The following APOB variants were observed in gnomAD, a reference collection of about 807,000 sequenced individuals.
APOB encodes the protein apolipoprotein B.
APOB carries 153 observed loss-of-function variants against 314.1 expected under a neutral mutation model. The ratio of observed to expected loss-of-function variants is 0.49; its 90% CI spans 0.43 to 0.56. The LOEUF (loss-of-function observed/expected upper bound fraction) is 0.56. Ranked by LOEUF, APOB falls within the 20% of genes least tolerant of loss-of-function variation. The pLI is 0.00. For synonymous variants in APOB, 2,087 were observed against 2,036.4 expected (o/e 1.02, Z -0.67); for missense variants, 5,430 against 5,350.7 (o/e 1.01, Z -0.46).
chr2:21,028,265 C>G (rs1663788223), intron 13 of APOB, 62 bp downstream of exon 13: 1 of 1,449,732 alleles, frequency 6.9e-7, no homozygotes, highest in Non-Finnish European at 9.7e-7. Context: ...ATGCCAAAAC[C>G]TAGGGTTGGA....
rs76693756 is a variant in APOB at position 21,017,631 on chromosome 2, C to T, written c.3122-982G>A. 8.5e-3 allele frequency among the ~76,000 whole-genome samples: 1,289 copies of T among 152,226 alleles called. 62 individuals carry two copies. Among genetic ancestry groups the T allele is most frequent in the Admixed American group, 0.072 (1,105 of 15,278 alleles). On this transcript the variant is annotated intron_variant, in intron 20 of 28. Coordinates refer to ENST00000233242, the MANE Select transcript of APOB (RefSeq NM_000384.3). The stretch of plus-strand genomic sequence containing the variant: ...GCAGCCCTTCTGGGCCAGGAAGACA[C>T]GACATCTCTATATTACTTTCTACCC...
At chr2:21,019,195 A>C in intron 19 of APOB, 82 bp from the exon 20 acceptor site, 6 of 1,547,482 alleles carry the variant, frequency 3.9e-6, no homozygotes, top group Non-Finnish European at 5.3e-6. Context: ...ATTCAGCCTC[A>C]AATGCAACAA....
intron 21 of APOB, among the ~76,000 whole-genome samples, chr2:21,016,092 A>G (rs906761776): frequency 2.0e-5 from 3 of 152,154 alleles, no homozygotes; most frequent in Non-Finnish European, 4.4e-5. Flanking sequence ...GATCGAGACC[A>G]TCCTGGTCAA....
At chr2:21,018,764 CT>C (rs1195118280) in intron 20 of APOB, among the ~76,000 whole-genome samples, 5 of 152,196 alleles carry the variant, frequency 3.3e-5, no homozygotes, top group African/African-American at 1.2e-4. Flanking sequence ...TTCACTGTAA[CT>C]TCCATGAAGG....
At chr2:21,033,555 C>T (rs371910271) in intron 8 of APOB, 37 bp from the exon 9 acceptor site, 1 of 1,541,510 alleles carries the variant, frequency 6.5e-7, no homozygotes, top group African/African-American at 1.4e-5. Context: ...CTCTAGCTTT[C>T]TTCATCTCAA....
Position 21,012,238 on chromosome 2 carries a change from G to C in APOB, c.4630C>G (p.Leu1544Val). 1.2e-6 allele frequency: 2 copies of C among 1,610,896 alleles called. 1 individual carries two copies. Among genetic ancestry groups the C allele is most frequent in the South Asian group, 2.2e-5 (2 of 90,912 alleles). The change falls in exon 26 of 29, where the codon CTC becomes GTC. Residue 1544 changes from leucine to valine, a missense_variant. By Grantham distance (32) the Leu-to-Val change is conservative (BLOSUM62 1). Transcript: ENST00000233242. ...TGRYEDGTLS[L>V]TSTSDLQSGI... Reference sequence around the variant, plus strand: ...CTTTGCAGATCAGAGGTGGAGGTGAGGGAGAGGGTTCCATCTTCATATCTT... The same window carrying C: ...CTTTGCAGATCAGAGGTGGAGGTGACGGAGAGGGTTCCATCTTCATATCTT...
rs781627851 is a variant in APOB at position 21,002,855 on chromosome 2, C to T, written c.12567G>A (p.Leu4189=). ...TCAGAAAATCAATGAGTGAGTCAAT[C>T]AGATGCTTGACTTTCATATGGAATT... ...TQEFHMKVKH[L]IDSLIDFLNF... The change falls in exon 29 of 29, where the codon CTG becomes CTA. Residue 4189 remains leucine (L), a synonymous_variant. Transcript: ENST00000233242. 16 of 1,613,394 alleles carry T rather than the reference C, an allele frequency of 9.9e-6. No homozygotes were observed. In the Admixed American group the frequency reaches 2.7e-4, roughly 27 times the overall value.
At chr2:21,014,046 G>A (rs1237058972) in intron 24 of APOB, among the ~76,000 whole-genome samples, 1 of 152,172 alleles carries the variant, frequency 6.6e-6, no homozygotes, top group African/African-American at 2.4e-5. Context: ...AGTAAGCCTG[G>A]GTTAAAGTAT....
chr2:21,036,901 C>T (rs868442791), intron 6 of APOB, among the ~76,000 whole-genome samples, 199 bp downstream of exon 6: 69 of 152,132 alleles, frequency 4.5e-4, no homozygotes, highest in African/African-American at 1.6e-3. Context: ...GAGCCTGACT[C>T]AAGCCTTGGC....
rs1225624057 is a variant in APOB at position 21,015,420 on chromosome 2, G to A, written c.3458C>T (p.Ser1153Phe). 6.2e-7 allele frequency: 1 copy of A among 1,614,094 alleles called. No homozygotes were observed. The highest frequency in any genetic ancestry group is 8.5e-7 in the Non-Finnish European group (1 of 1,180,050). Residue 1153 changes from serine (S) to phenylalanine (F), a missense_variant, in exon 22 of 29, where the codon TCT (serine) becomes TTT (phenylalanine). This residue lies in a region of APOB where 2,085 missense variants were observed against 2,079.7 expected (regional missense o/e 1.00). Transcript: ENST00000233242. ...PAKLLLQMDS[S>F]ATAYGSTVSK... ...AACTGTGGAGCCATAAGCTGTAGCAGATGAGTCCATTTGGAGAAGCAGTTT... is the reference window on the plus strand; with the variant it reads ...AACTGTGGAGCCATAAGCTGTAGCAAATGAGTCCATTTGGAGAAGCAGTTT...
Position 21,009,299 on chromosome 2 carries a change from C to T in APOB, c.7569G>A (p.Met2523Ile), listed in dbSNP as rs754845007. Residue 2523 changes from methionine to isoleucine, a missense_variant, in exon 26 of 29, where the codon ATG becomes ATA. Physicochemically the swap from Met to Ile is conservative, Grantham distance 10. Coordinates refer to ENST00000233242, the MANE Select transcript of APOB (RefSeq NM_000384.3). ...GTTCCTGCTGAATGTCCATTTGATACATTCGGTCTCGTGTATCTTCTAGGG... is the reference window on the plus strand; with the variant it reads ...GTTCCTGCTGAATGTCCATTTGATATATTCGGTCTCGTGTATCTTCTAGGG... Reference protein sequence around the residue: ...RETLEDTRDRMYQMDIQQELQ... With the variant: ...RETLEDTRDRIYQMDIQQELQ... 1.2e-6 allele frequency: 2 copies of T among 1,614,114 alleles called. No individual in the cohort carries two copies. Among genetic ancestry groups the T allele is most frequent in the East Asian group, 2.2e-5 (1 of 44,888 alleles).
Position 21,022,962 on chromosome 2 carries a change from A to G in APOB, c.2685T>C (p.Ala895=). Residue 895 remains alanine (A), a synonymous_variant, in exon 18 of 29, where the codon GCT becomes GCC. Coordinates refer to ENST00000233242, the MANE Select transcript of APOB (RefSeq NM_000384.3). ...TNMGIIIPDF[A]RSGVQMNTNF... ...TGGTGTTCATCTGGACCCCACTCCTAGCGAAGTCCGGAATGATGATGCCCA... is the reference window on the plus strand; with the variant it reads ...TGGTGTTCATCTGGACCCCACTCCTGGCGAAGTCCGGAATGATGATGCCCA... The G allele has an allele frequency of 6.2e-7, 1 of 1,614,182 alleles. No individual in the cohort carries two copies. The highest frequency in any genetic ancestry group is 1.1e-5 in the South Asian group (1 of 91,066).
At position 21,006,760 on chromosome 2, in the gene APOB, A is replaced by G; in HGVS notation, c.10108T>C (p.Ser3370Pro). Residue 3370 changes from serine to proline, a missense_variant, in exon 26 of 29, where the codon TCT becomes CCT. Around this residue, in one of 3 missense-constraint regions of APOB, gnomAD observed 3,281 missense variants for 3,171.0 expected, o/e 1.03. Coordinates refer to ENST00000233242, the MANE Select transcript of APOB (RefSeq NM_000384.3). ...TGCAGTGCATCAATGACAGATGAAG[A>G]TGAAGAAAGGAGATGAGCAACAATA... is the stretch of plus-strand genomic sequence containing the variant. ...SDIVAHLLSS[S>P]SSVIDALQYK... The G allele has an allele frequency of 6.2e-7, 1 of 1,614,100 alleles. No individual in the cohort carries two copies. The highest frequency in any genetic ancestry group is 8.5e-7 in the Non-Finnish European group (1 of 1,179,972).
rs1239899317 is a variant in APOB, at chr2:21,015,441, A to C, written c.3437T>G (p.Leu1146Arg). The change falls in exon 22 of 29, where the codon CTG becomes CGG. Residue 1146 changes from leucine to arginine, a missense_variant. Leu to Arg is a moderately radical substitution (Grantham distance 102, BLOSUM62 -2). Coordinates refer to ENST00000233242, the MANE Select transcript of APOB (RefSeq NM_000384.3). ...AGCAGATGAGTCCATTTGGAGAAGC[A>C]GTTTGGCAGGCGACCAGTGGGCGAG... is the stretch of plus-strand genomic sequence containing the variant. ...EILAHWSPAK[L>R]LLQMDSSATA... 6.2e-7 allele frequency: 1 copy of C among 1,614,094 alleles called. No individual in the cohort carries two copies. Among genetic ancestry groups the C allele is most frequent in the African/African-American group, 1.3e-5 (1 of 74,924 alleles).
In APOB at chr2:21,009,094, T is replaced by G. The variant is rs1204161983; in HGVS notation, c.7774A>C (p.Thr2592Pro). 3 of 1,613,914 alleles carry G rather than the reference T, an allele frequency of 1.9e-6. No individual in the cohort carries two copies. The Admixed American group carries it at 5.0e-5, about 27-fold the overall frequency. ...EQGFTVPEIK[T>P]ILGTMPAFEV... is the part of the protein sequence containing the mutation. ...AAGGCAGGCATGGTCCCAAGGATGG[T>G]CTTGATTTCAGGAACAGTGAACCCT... The change falls in exon 26 of 29, where the codon ACC becomes CCC. Residue 2592 changes from threonine to proline, a missense_variant. By Grantham distance (38) the Thr-to-Pro change is conservative. Transcript: ENST00000233242.
At chr2:21,032,622 C>T in intron 9 of APOB, 41 bp from the exon 10 acceptor site, 1 of 1,495,826 alleles carries the variant, frequency 6.7e-7, no homozygotes, top group South Asian at 1.1e-5. Flanking sequence ...AGACCACCTT[C>T]AGGGCACATA....
In APOB at chr2:21,012,348, C is replaced by A; in HGVS notation, c.4520G>T (p.Arg1507Met). 1 of 1,614,164 alleles carries A rather than the reference C, an allele frequency of 6.2e-7. No homozygotes were observed. The highest frequency in any genetic ancestry group is 8.5e-7 in the Non-Finnish European group (1 of 1,180,036). The change falls in exon 26 of 29, where the codon AGG (arginine) becomes ATG (methionine). Residue 1507 changes from arginine (R) to methionine (M), a missense_variant. Arg to Met is a moderately conservative substitution (Grantham distance 91, BLOSUM62 -1). This residue lies in a region of APOB where 2,085 missense variants were observed against 2,079.7 expected (regional missense o/e 1.00). Coordinates refer to ENST00000233242, the MANE Select transcript of APOB (RefSeq NM_000384.3). Reference protein sequence around the residue: ...AKGTYGLSCQRDPNTGRLNGE... With the variant: ...AKGTYGLSCQMDPNTGRLNGE... ...ATTGAGCCGGCCAGTGTTAGGATCC[C>A]TCTGACAAGACAGGCCATATGTGCC... is the stretch of plus-strand genomic sequence containing the variant.
At chr2:21,038,870 CACTT>C (rs1341236472) in intron 4 of APOB, among the ~76,000 whole-genome samples, 1 of 152,212 alleles carries the variant, frequency 6.6e-6, no homozygotes, top group Non-Finnish European at 1.5e-5. Flanking sequence ...TTGTTTTTCT[CACTT>C]AATTATACTT....
intron 6 of APOB, among the ~76,000 whole-genome samples, 165 bp from the exon 7 acceptor site, chr2:21,035,873 G>A (rs1663990829): frequency 6.6e-6 from 1 of 152,052 alleles, no homozygotes; most frequent in Non-Finnish European, 1.5e-5. Flanking sequence ...GCAACAAGTC[G>A]GCATCCCCAA....
Sources: gnomAD v4.1 joint callset for allele counts (sites outside exome capture counted in the v4.1 genomes callset) on GRCh38, gnomAD v4.1.1 for gene constraint, gnomAD v4.1.1 regional missense constraint, MANE v1.5 for transcripts, NCBI Gene and HGNC (gene_info 2026-07-23, HGNC 2026-07-21) for gene names.